Variants in MYO9B observed in about 807,000 individuals in gnomAD.
MYO9B encodes unconventional myosin-IXb.
A neutral mutation model predicts 229.5 loss-of-function variants in MYO9B; 71 were observed. That is an observed-to-expected ratio of 0.31 (90% CI 0.26 to 0.38). The LOEUF is 0.38. Among genes scored for constraint, MYO9B ranks in the 10% least tolerant of loss-of-function variants. The probability of loss-of-function intolerance (pLI) is 1.00; values close to 1 mark genes in which losing one functional copy is unlikely to be tolerated. For missense variants in MYO9B, 2,255 were observed against 2,920.5 expected (o/e 0.77, Z 5.25); for synonymous variants, 1,185 against 1,235.8 (o/e 0.96, Z 0.86).
chr19:17,121,565 T>C (rs1201121855), intron 2 of MYO9B, among the ~76,000 whole-genome samples: 1 of 151,920 alleles, frequency 6.6e-6, no homozygotes, highest in East Asian at 1.9e-4. Flanking sequence ...CCACCCCAAG[T>C]TTACAGAGAG....
At position 17,123,901 on chromosome 19, in the gene MYO9B, T is replaced by A. The variant is rs181168933; in HGVS notation, c.840+21344T>A. 2.7e-3 allele frequency among the ~76,000 whole-genome samples: 417 copies of A among 151,830 alleles called. 3 individuals are homozygous for A. The highest frequency in any genetic ancestry group is 9.6e-3 in the African/African-American group (397 of 41,458). ...CATTCTCAAAAAATCATTTTTCTTT[T>A]TTGAGACAGGGTCTCACTTTGTCAC... On this transcript the variant is annotated intron_variant, in intron 2 of 39. Transcript: ENST00000682292.
intron 2 of MYO9B, among the ~76,000 whole-genome samples, chr19:17,127,576 T>C (rs958071591): frequency 2.0e-5 from 3 of 152,240 alleles, no homozygotes; most frequent in Admixed American, 2.0e-4. Context: ...TGATCCGCCC[T>C]CCTTGGCCTC....
chr19:17,119,709 T>G (rs2057943004), intron 2 of MYO9B, among the ~76,000 whole-genome samples: 1 of 152,210 alleles, frequency 6.6e-6, no homozygotes, highest in African/African-American at 2.4e-5. Flanking sequence ...TGGAGTGCAG[T>G]GGCGCAATCT....
In MYO9B at chr19:17,198,313, G is replaced by A; in HGVS notation, c.4238+5G>A. On this transcript the variant is annotated splice_donor_5th_base_variant and intron_variant, in intron 24 of 39. Coordinates refer to ENST00000682292, the MANE Select transcript of MYO9B (RefSeq NM_004145.4). Reference sequence around the variant, plus strand: ...GGGCTCTCAGGTCGACTCTAAGTAAGTATTGGGCTTGGGGGAAACTCAGGC... The same window carrying A: ...GGGCTCTCAGGTCGACTCTAAGTAAATATTGGGCTTGGGGGAAACTCAGGC... 1 of 1,613,642 alleles carries A rather than the reference G, an allele frequency of 6.2e-7. No individual in the cohort carries two copies. Among genetic ancestry groups the A allele is most frequent in the Non-Finnish European group, 8.5e-7 (1 of 1,179,808 alleles).
intron 13 of MYO9B, 149 bp downstream of exon 13, chr19:17,173,112 C>A: frequency 9.8e-7 from 1 of 1,020,076 alleles, no homozygotes; most frequent in Non-Finnish European, 1.4e-6. Context: ...TTCCTGTCAC[C>A]CTGAACAGAA....
intron 14 of MYO9B, among the ~76,000 whole-genome samples, chr19:17,180,167 A>G (rs2072840856): frequency 6.7e-6 from 1 of 150,368 alleles, no homozygotes; most frequent in Non-Finnish European, 1.5e-5. Flanking sequence ...CAGGAGGCAG[A>G]GGTTGCAGTG....
intron 14 of MYO9B, among the ~76,000 whole-genome samples, chr19:17,179,420 A>ATTTT (rs747998068): frequency 1.2e-5 from 1 of 86,662 alleles, no homozygotes; most frequent in African/African-American, 5.3e-5. Flanking sequence ...GCCCCAACTG[A>ATTTT]TTTTTTTTTT....
chr19:17,116,515 C>T (rs542141753), intron 2 of MYO9B, among the ~76,000 whole-genome samples: 3 of 152,114 alleles, frequency 2.0e-5, no homozygotes, highest in Non-Finnish European at 4.4e-5. Flanking sequence ...ACAGGCATCC[C>T]GGAGTCAGGC....
chr19:17,140,250 C>T (rs569806413), intron 2 of MYO9B, among the ~76,000 whole-genome samples: 2 of 152,276 alleles, frequency 1.3e-5, no homozygotes, highest in African/African-American at 4.8e-5. Flanking sequence ...AATATATTCT[C>T]ACAGTTCTGA....
chr19:17,205,310 C>T lies in MYO9B; in HGVS notation c.5038C>T (p.His1680Tyr). Reference protein sequence around the residue: ...HKKCVHKIQSHCSYTYGRKGE... With the variant: ...HKKCVHKIQSYCSYTYGRKGE... The stretch of plus-strand genomic sequence containing the variant: ...GAAGTGCGTGCACAAGATTCAGAGC[C>T]ACTGCTCCTACACCTACGGGAGGAA... Residue 1680 changes from histidine (H) to tyrosine (Y), a missense_variant, in exon 31 of 40, where the codon CAC becomes TAC. Around this residue, in one of 7 missense-constraint regions of MYO9B, gnomAD observed 416 missense variants for 605.5 expected, o/e 0.69. Coordinates refer to ENST00000682292, the MANE Select transcript of MYO9B (RefSeq NM_004145.4). 1.2e-6 allele frequency: 2 copies of T among 1,613,858 alleles called. No homozygotes were observed. Among genetic ancestry groups the T allele is most frequent in the African/African-American group, 2.7e-5 (2 of 75,038 alleles).
chr19:17,212,294 G>A lies in MYO9B; in HGVS notation c.6458G>A (p.Gly2153Asp). The A allele has an allele frequency of 6.6e-7, 1 of 1,516,152 alleles. No individual in the cohort carries two copies. The highest frequency in any genetic ancestry group is 1.3e-5 in the South Asian group (1 of 78,386). 93.9% of individuals were successfully genotyped at this position (1,516,152 alleles called of 1,614,324 possible). ...ACGTACTGCCTGCCCCCCGCCTCGG[G>A]CCAGACCAATGGCTGAGAGCCACAG... ...PPTYCLPPASGQTNG is the reference protein window; with the variant it reads ...PPTYCLPPASDQTNG Residue 2153 changes from glycine to aspartate, a missense_variant, in exon 40 of 40, where the codon GGC (glycine) becomes GAC (aspartate). Physicochemically the swap from Gly to Asp is moderately conservative, Grantham distance 94. This residue lies in a region of MYO9B where 331 missense variants were observed against 332.5 expected (regional missense o/e 1.00). Transcript: ENST00000682292. This position sits in a 1 kb window ranked among gnomAD's most constrained non-coding sequence, Gnocchi z 5.4.
intron 13 of MYO9B, among the ~76,000 whole-genome samples, chr19:17,174,701 G>A (rs887478144): frequency 1.3e-4 from 19 of 151,940 alleles, no homozygotes; most frequent in African/African-American, 4.1e-4. Context: ...TCGGGAGACC[G>A]AGGTGGGTGG....
At chr19:17,078,827 G>A (rs763969275) in intron 1 of MYO9B, among the ~76,000 whole-genome samples, 1 of 152,202 alleles carries the variant, frequency 6.6e-6, no homozygotes, top group Non-Finnish European at 1.5e-5. Context: ...CCGGCAGTGC[G>A]AGGGTCCTTG....
intron 2 of MYO9B, among the ~76,000 whole-genome samples, chr19:17,115,774 G>C (rs2057896774): frequency 6.6e-6 from 1 of 151,624 alleles, no homozygotes; most frequent in Non-Finnish European, 1.5e-5. Context: ...CCGGCCCCCA[G>C]GTGTCTTCTT....
At chr19:17,205,374 T>G (rs202072658) in intron 31 of MYO9B, 38 bp downstream of exon 31, 75 of 1,584,908 alleles carry the variant, frequency 4.7e-5, no homozygotes, top group Admixed American at 1.0e-4. Flanking sequence ...ACAATGACAC[T>G]CCACTCACGG....
At chr19:17,088,745 CAG>C (rs1053368980) in intron 1 of MYO9B, among the ~76,000 whole-genome samples, 6 of 152,084 alleles carry the variant, frequency 3.9e-5, no homozygotes, top group Admixed American at 3.9e-4. Context: ...GGCTGGAGTG[CAG>C]TGGCGCCATC....
At chr19:17,105,053 A>G (rs1025783800) in intron 2 of MYO9B, among the ~76,000 whole-genome samples, 3 of 151,818 alleles carry the variant, frequency 2.0e-5, no homozygotes, top group African/African-American at 7.3e-5. Flanking sequence ...CCCCCTGTTC[A>G]TCCCTCCATG....
rs1168082312 is a variant in MYO9B at position 17,152,912 on chromosome 19, C to A, written c.998+206C>A. On this transcript the variant is annotated intron_variant, in intron 4 of 39. Transcript: ENST00000682292. ...ACACTTTGTCCTCATACCTCCCAAG[C>A]CACCTTTGTGTGCCTCCCTGGAGGT... is the stretch of plus-strand genomic sequence containing the variant. The A allele has an allele frequency of 1.2e-5, 7 of 574,244 alleles. No homozygotes were observed. In the East Asian group the frequency reaches 1.7e-4, roughly 14 times the overall value. The allele number at this position is 574,244 out of a possible 1,614,324, so 35.6% of individuals were successfully genotyped here.
At chr19:17,210,571 C>T (rs1049087301) in intron 37 of MYO9B, 144 bp from the exon 38 acceptor site, 20 of 1,267,286 alleles carry the variant, frequency 1.6e-5, no homozygotes, top group African/African-American at 3.0e-5. Context: ...GACCACCACT[C>T]TGTCCCATGG....
Sources: gnomAD v4.1 joint callset for allele counts (sites outside exome capture counted in the v4.1 genomes callset) on GRCh38, gnomAD v4.1.1 for gene constraint, gnomAD v4.1.1 regional missense constraint, Gnocchi (gnomAD v3.1) non-coding constraint, MANE v1.5 for transcripts, NCBI Gene and HGNC (gene_info 2026-07-23, HGNC 2026-07-21) for gene names.